NME7: variants seen among roughly 807,000 people sequenced by gnomAD.
NME7 encodes the protein NME/NM23 family member 7, also known as nucleoside diphosphate kinase 7.
A neutral mutation model predicts 49.1 loss-of-function variants in NME7; 41 were observed. The ratio of observed to expected loss-of-function variants is 0.83; its 90% CI spans 0.65 to 1.08. The LOEUF is 1.08. NME7 is among the 50% of genes least tolerant of loss of function. The pLI, the probability that NME7 is intolerant of heterozygous loss-of-function variation, is 0.00. For missense variants in NME7, 423 were observed against 463.4 expected (o/e 0.91, Z 0.80); for synonymous variants, 139 against 150.6 (o/e 0.92, Z 0.56).
chr1:169,346,285 C>T (rs574642461), intron 1 of NME7, among the ~76,000 whole-genome samples: 17 of 152,258 alleles, frequency 1.1e-4, no homozygotes, highest in African/African-American at 4.1e-4. Flanking sequence ...TTCAATAGCC[C>T]ACAAAGCCCT....
chr1:169,178,342 A>G (rs2101744702), intron 10 of NME7, among the ~76,000 whole-genome samples: 1 of 152,296 alleles, frequency 6.6e-6, no homozygotes, highest in South Asian at 2.1e-4. Context: ...GATTTGGAAG[A>G]CAGGACAAAG....
intron 7 of NME7, among the ~76,000 whole-genome samples, chr1:169,267,914 T>C (rs1011718235): frequency 1.5e-5 from 2 of 133,638 alleles, no homozygotes; most frequent in Admixed American, 7.3e-5. Flanking sequence ...CCAAAAGCAA[T>C]TGCAACAAAA....
chr1:169,185,774 C>T (rs1323993589), intron 10 of NME7, among the ~76,000 whole-genome samples: 1 of 152,066 alleles, frequency 6.6e-6, no homozygotes, highest in Non-Finnish European at 1.5e-5. Flanking sequence ...AAGAACAGTG[C>T]CAAGTACATA....
In NME7 at chr1:169,243,353, C is replaced by T. The variant is rs187741055; in HGVS notation, c.755-5666G>A. On this transcript the variant is annotated intron_variant, in intron 7 of 11. Transcript: ENST00000367811. Reference sequence around the variant, plus strand: ...AGTCTCCAAGAAAAAAGAGTTACTTCCCAGAAGGAAGTCTACACAATGAAA... The same window carrying T: ...AGTCTCCAAGAAAAAAGAGTTACTTTCCAGAAGGAAGTCTACACAATGAAA... Among the ~76,000 whole-genome samples the T allele has an allele frequency of 3.8e-3, 585 of 152,282 alleles. 6 individuals are homozygous for T. Among genetic ancestry groups the T allele is most frequent in the Admixed American group, 6.0e-3 (92 of 15,294 alleles).
chr1:169,250,106 AT>A (rs565815105), intron 7 of NME7, among the ~76,000 whole-genome samples: 6 of 150,086 alleles, frequency 4.0e-5, no homozygotes, highest in East Asian at 3.9e-4. Flanking sequence ...GCCCCAAGCT[AT>A]TTTTTTTTCT....
chr1:169,364,000 T>C (rs1653758444), intron 1 of NME7, among the ~76,000 whole-genome samples: 1 of 152,242 alleles, frequency 6.6e-6, no homozygotes, highest in Non-Finnish European at 1.5e-5. Flanking sequence ...GGTCATAGAA[T>C]TCTAACTATT....
rs143503835 is a variant in NME7 at position 169,229,453 on chromosome 1, G to T, written c.990+1265C>A. On this transcript the variant is annotated intron_variant, in intron 10 of 11. Transcript: ENST00000367811. ...ACTTTCAGGTCATATTAACTGCTCT[G>T]TTGCTACACAATCCAACATTTGGAT... is the stretch of plus-strand genomic sequence containing the variant. Among the ~76,000 whole-genome samples, 659 of 152,170 alleles carry T rather than the reference G, an allele frequency of 4.3e-3. 5 individuals are homozygous for T. Among genetic ancestry groups the T allele is most frequent in the African/African-American group, 0.015 (619 of 41,510 alleles).
At chr1:169,349,161 G>C (rs1001145474) in intron 1 of NME7, among the ~76,000 whole-genome samples, 1 of 152,042 alleles carries the variant, frequency 6.6e-6, no homozygotes, top group Non-Finnish European at 1.5e-5. Context: ...AGAAAAGTGA[G>C]AGCAAGTTTA....
At chr1:169,192,370 T>C (rs1207595144) in intron 10 of NME7, among the ~76,000 whole-genome samples, 1 of 152,182 alleles carries the variant, frequency 6.6e-6, no homozygotes, top group East Asian at 1.9e-4. Flanking sequence ...ATACAGAACA[T>C]ATACAAACTT....
chr1:169,338,025 C>T (rs1374051715), intron 1 of NME7, among the ~76,000 whole-genome samples: 2 of 152,110 alleles, frequency 1.3e-5, no homozygotes, highest in Non-Finnish European at 1.5e-5. Flanking sequence ...AGGGTCTTCA[C>T]GTGTGAAGAA....
chr1:169,363,306 C>G (rs1488881707), intron 1 of NME7, among the ~76,000 whole-genome samples: 1 of 151,564 alleles, frequency 6.6e-6, no homozygotes, highest in African/African-American at 2.4e-5. Context: ...TTCAAAGTAC[C>G]CTGTGTCTTG....
chr1:169,206,440 A>G (rs1660677608), intron 10 of NME7, among the ~76,000 whole-genome samples: 1 of 152,132 alleles, frequency 6.6e-6, no homozygotes, highest in African/African-American at 2.4e-5. Flanking sequence ...GAGGATTAAT[A>G]CTAGGACAAG....
At chr1:169,332,095 C>T (rs12043545) in intron 1 of NME7, among the ~76,000 whole-genome samples, 18,853 of 152,068 alleles carry the variant, frequency 0.12, 1,316 homozygotes, top group African/African-American at 0.19. Context: ...GTAACCCAAA[C>T]ATCATGGTAC....
intron 10 of NME7, among the ~76,000 whole-genome samples, chr1:169,183,814 A>G (rs1010316874): frequency 2.0e-5 from 3 of 152,170 alleles, no homozygotes; most frequent in Non-Finnish European, 4.4e-5. Flanking sequence ...AAAAAAAGAA[A>G]AAAAAAAGAA....
intron 10 of NME7, among the ~76,000 whole-genome samples, chr1:169,205,460 G>A (rs1485432815): frequency 6.6e-6 from 1 of 152,006 alleles, no homozygotes; most frequent in Non-Finnish European, 1.5e-5. Flanking sequence ...TGTATCCTAG[G>A]CTCTGAGAAA....
At chr1:169,184,284 A>T (rs960597700) in intron 10 of NME7, among the ~76,000 whole-genome samples, 18 of 152,294 alleles carry the variant, frequency 1.2e-4, no homozygotes, top group African/African-American at 4.3e-4. Context: ...GCAATCTTTT[A>T]AAAAAATAAA....
At chr1:169,158,065 T>G (rs1244253705) in intron 11 of NME7, among the ~76,000 whole-genome samples, 1 of 152,196 alleles carries the variant, frequency 6.6e-6, no homozygotes, top group Non-Finnish European at 1.5e-5. Flanking sequence ...GTGCCCCTAC[T>G]CACTGGGACA....
chr1:169,354,946 T>TATTATATATGTTTATATATAATATA lies in NME7; in HGVS notation c.3+12737_3+12761dup, dbSNP rs1257390939. Among the ~76,000 whole-genome samples the TATTATATATGTTTATATATAATATA allele has an allele frequency of 0.014, 970 of 69,420 alleles. 122 individuals are homozygous for TATTATATATGTTTATATATAATATA. The East Asian group carries it at 0.2, about 14-fold the overall frequency. The allele number at this position is 69,420 out of a possible 152,430, so 45.5% of individuals were successfully genotyped here. ...TATAATATATCTATTATGTATTATATATTATATATGTTTATATATAATATA... is the reference window on the plus strand; with the variant it reads ...TATAATATATCTATTATGTATTATATATTATATATGTTTATATATAATATAATTATATATGTTTATATATAATATA... On this transcript the variant is annotated intron_variant, in intron 1 of 11. Coordinates refer to ENST00000367811, the MANE Select transcript of NME7 (RefSeq NM_013330.5).
At chr1:169,270,636 T>C (rs151026195) in intron 7 of NME7, among the ~76,000 whole-genome samples, 1 of 133,918 alleles carries the variant, frequency 7.5e-6, no homozygotes, top group East Asian at 2.0e-4. Flanking sequence ...GCAGCAGCAG[T>C]AGTAGTAGTA....
Sources: gnomAD v4.1 joint callset for allele counts (sites outside exome capture counted in the v4.1 genomes callset) on GRCh38, gnomAD v4.1.1 for gene constraint, MANE v1.5 for transcripts, NCBI Gene and HGNC (gene_info 2026-07-23, HGNC 2026-07-21) for gene names.